The following RAB33A variants were observed in gnomAD, a reference collection of about 807,000 sequenced individuals.
RAB33A encodes RAB33A, member RAS oncogene family.
RAB33A carries 6 observed loss-of-function variants against 12.0 expected under a neutral mutation model. The observed-to-expected ratio is 0.50, with a 90% CI of 0.27 to 0.99. RAB33A has a LOEUF of 0.99. Among genes scored for constraint, RAB33A ranks in the 50% least tolerant of loss-of-function variants. The pLI is 0.11. For missense variants in RAB33A, 109 were observed against 192.0 expected, an observed-to-expected ratio of 0.57 and a Z score of 2.55; for synonymous variants, 70 against 82.4, an observed-to-expected ratio of 0.85 and a Z score of 0.81.
the RAB33A span, chrX:130,133,532 G>T: frequency 5.3e-6 from 6 of 1,131,800 alleles, no homozygotes; most frequent in Admixed American, 9.0e-5. Context: ...TAAACTTTGG[G>T]GGCTCAAAGA....
At chrX:130,139,767 C>G in the RAB33A span, 2 of 1,198,818 alleles carry the variant, frequency 1.7e-6, no homozygotes, top group Non-Finnish European at 2.3e-6. Context: ...AAAAACAACA[C>G]AAGGAAAACA....
the RAB33A span, among the ~76,000 whole-genome samples, chrX:130,149,181 CA>C: frequency 9.0e-6 from 1 of 111,512 alleles, no homozygotes; most frequent in African/African-American, 3.3e-5. Context: ...CTCGGCCTCA[CA>C]AAGTGCTGGG....
chrX:130,147,812 A>G, the RAB33A span: 1 of 1,212,004 alleles, frequency 8.3e-7, no homozygotes, highest in Non-Finnish European at 1.1e-6. Flanking sequence ...CTGTGCCTCC[A>G]CCAATTAGCA....
the RAB33A span, among the ~76,000 whole-genome samples, chrX:130,151,470 A>C: frequency 9.0e-6 from 1 of 111,467 alleles, no homozygotes; most frequent in African/African-American, 3.3e-5. Flanking sequence ...TACTTCTATG[A>C]CTTCCTTCCA....
the RAB33A span, among the ~76,000 whole-genome samples, chrX:130,128,329 T>C: frequency 4.5e-5 from 5 of 111,420 alleles, no homozygotes; most frequent in African/African-American, 1.6e-4. Context: ...CCCCAGCACT[T>C]TGGGAGGCCG....
At chrX:130,149,379 A>C in the RAB33A span, 1 of 750,888 alleles carries the variant, frequency 1.3e-6, no homozygotes, top group Admixed American at 2.2e-5. Context: ...CATTGCTTCT[A>C]CAAGACATCC....
At chrX:130,111,415 A>AT in the RAB33A span, among the ~76,000 whole-genome samples, 1 of 112,650 alleles carries the variant, frequency 8.9e-6, no homozygotes, top group Admixed American at 9.2e-5. Context: ...GCTCCACATT[A>AT]TTGAGCTCCT....
the RAB33A span, chrX:130,137,624 T>C: frequency 2.7e-6 from 3 of 1,126,587 alleles, no homozygotes; most frequent in Admixed American, 3.1e-5. Context: ...AAAGAAGTTT[T>C]TGGCATTTTA....
the RAB33A span, chrX:130,140,515 A>G: frequency 8.4e-7 from 1 of 1,185,549 alleles, no homozygotes; most frequent in Non-Finnish European, 1.1e-6. Flanking sequence ...GAAGAAAGCC[A>G]TCTCCAGAAA....
the RAB33A span, chrX:130,155,323 G>A: frequency 2.5e-6 from 3 of 1,194,089 alleles, no homozygotes; most frequent in African/African-American, 5.2e-5. Context: ...GAAACAAAAG[G>A]AAACAGAGTA....
chrX:130,168,322 C>A (rs191280704), upstream of RAB33A, among the ~76,000 whole-genome samples: 27 of 107,224 alleles, frequency 2.5e-4, no homozygotes, highest in Non-Finnish European at 4.6e-4. Flanking sequence ...TCAAGCAATT[C>A]TCCTGCCTCA....
chrX:130,178,430 A>T (rs2031685678), intron 1 of RAB33A, among the ~76,000 whole-genome samples: 1 of 109,123 alleles, frequency 9.2e-6, no homozygotes, highest in Non-Finnish European at 1.9e-5. Flanking sequence ...GGAATTTGAG[A>T]CCAGCCTGGG....
At chrX:130,183,958 C>T (rs1473780875) in intron 1 of RAB33A, among the ~76,000 whole-genome samples, 2 of 111,371 alleles carry the variant, frequency 1.8e-5, no homozygotes, top group Non-Finnish European at 3.8e-5. Context: ...GGCGTGATCT[C>T]GGCTCACTGC....
chrX:130,142,088 G>A, the RAB33A span, among the ~76,000 whole-genome samples: 2 of 112,172 alleles, frequency 1.8e-5, no homozygotes, highest in Non-Finnish European at 3.8e-5. Flanking sequence ...CACCTACTAT[G>A]TATCAAGTTG....
the RAB33A span, chrX:130,166,001 G>C: frequency 3.4e-6 from 1 of 292,856 alleles, no homozygotes. Context: ...GTGTTGGACT[G>C]AACGAGTTAA....
the RAB33A span, among the ~76,000 whole-genome samples, chrX:130,140,294 G>A: frequency 8.9e-6 from 1 of 112,241 alleles, no homozygotes; most frequent in East Asian, 2.8e-4. Context: ...GGGTTAAGCA[G>A]GGAGAGAAAA....
At chrX:130,116,602 C>T in the RAB33A span, among the ~76,000 whole-genome samples, 5 of 112,457 alleles carry the variant, frequency 4.4e-5, no homozygotes, top group East Asian at 1.1e-3. Context: ...ACCCCAGGTT[C>T]TGGAGACAAG....
upstream of RAB33A, among the ~76,000 whole-genome samples, chrX:130,167,579 C>G (rs769140720): frequency 8.9e-6 from 1 of 111,923 alleles, no homozygotes; most frequent in East Asian, 2.8e-4. Context: ...CCCGTCTCTA[C>G]AAAAAATCCA....
chrX:130,129,863 T>A, the RAB33A span: 2 of 1,009,141 alleles, frequency 2.0e-6, no homozygotes, highest in Admixed American at 4.4e-5. Context: ...TCAGGCACAA[T>A]TTGACCTGGC....
Sources: gnomAD v4.1 joint callset for allele counts (sites outside exome capture counted in the v4.1 genomes callset) on GRCh38, gnomAD v4.1.1 for gene constraint, MANE v1.5 for transcripts, NCBI Gene and HGNC (gene_info 2026-07-23, HGNC 2026-07-21) for gene names.